Variants in DACH2 observed in about 807,000 individuals in gnomAD.
DACH2 encodes the protein dachshund family transcription factor 2.
In DACH2, 17 loss-of-function variants were observed where a neutral mutation model predicts 35.8. That is an observed-to-expected ratio of 0.48 (90% CI 0.33 to 0.71). DACH2 has a LOEUF of 0.71. Among genes scored for constraint, DACH2 ranks in the 30% least tolerant of loss-of-function variants. DACH2 has a pLI of 0.02. For synonymous variants in DACH2, 195 were observed against 177.3 expected (o/e 1.10, Z -0.79); for missense variants, 469 against 472.7 (o/e 0.99, Z 0.07).
At chrX:86,297,043 G>GTGTATA (rs1411917050) in intron 1 of DACH2, among the ~76,000 whole-genome samples, 1 of 89,950 alleles carries the variant, frequency 1.1e-5, no homozygotes, top group African/African-American at 4.4e-5. Flanking sequence ...ATATAATTGT[G>GTGTATA]TATATATATA....
At chrX:86,736,616 T>C (rs1476355645) in intron 6 of DACH2, among the ~76,000 whole-genome samples, 3 of 111,469 alleles carry the variant, frequency 2.7e-5, no homozygotes, top group Middle Eastern at 4.6e-3. Context: ...ATAATGAGCA[T>C]TCAGTTTTTA....
At chrX:86,345,392 G>T (rs1165059851) in intron 1 of DACH2, 1 of 289,823 alleles carries the variant, frequency 3.5e-6, no homozygotes, top group African/African-American at 2.8e-5. Flanking sequence ...ACATGAATTA[G>T]ATTGTGTTTT....
chrX:86,549,006 G>C (rs1032338430), intron 3 of DACH2, among the ~76,000 whole-genome samples: 2 of 111,836 alleles, frequency 1.8e-5, no homozygotes, highest in Admixed American at 9.5e-5. Flanking sequence ...TCCTATTAGA[G>C]AATGCCCCTT....
intron 7 of DACH2, among the ~76,000 whole-genome samples, chrX:86,789,124 G>A (rs182099239): frequency 2.7e-3 from 302 of 111,985 alleles, no homozygotes; most frequent in Non-Finnish European, 4.7e-3. Flanking sequence ...GTGTAACTAT[G>A]ATTACTGATT....
At chrX:86,185,418 T>C (rs1216242167) in intron 1 of DACH2, among the ~76,000 whole-genome samples, 4 of 111,527 alleles carry the variant, frequency 3.6e-5, no homozygotes, top group Non-Finnish European at 7.5e-5. Flanking sequence ...GGAATCTTAA[T>C]GAGATGGGAC....
At chrX:86,397,322 C>T (rs2036316661) in intron 2 of DACH2, among the ~76,000 whole-genome samples, 1 of 111,610 alleles carries the variant, frequency 9.0e-6, no homozygotes, top group Admixed American at 9.5e-5. Context: ...GATATACAAT[C>T]ACGTCATCTG....
In DACH2 at chrX:86,651,181, A is replaced by C; in HGVS notation, c.772+14A>C. On this transcript the variant is annotated intron_variant, in intron 4 of 11. Coordinates refer to ENST00000373125, the MANE Select transcript of DACH2 (RefSeq NM_053281.3). ...ATTCTAACACAGGTGAGTGTCTTCC[A>C]GAATCCCAGACCAATGACTCTTACT... 1 of 1,204,052 alleles carries C rather than the reference A, an allele frequency of 8.3e-7. No individual in the cohort carries two copies. Among genetic ancestry groups the C allele is most frequent in the East Asian group, 3.0e-5 (1 of 33,445 alleles).
At chrX:86,501,867 G>A (rs2038254052) in intron 2 of DACH2, among the ~76,000 whole-genome samples, 1 of 111,580 alleles carries the variant, frequency 9.0e-6, no homozygotes, top group Non-Finnish European at 1.9e-5. Flanking sequence ...TTTTAAACCA[G>A]TTAGAGCGGG....
At chrX:86,452,574 T>G (rs1453509291) in intron 2 of DACH2, among the ~76,000 whole-genome samples, 1 of 111,351 alleles carries the variant, frequency 9.0e-6, no homozygotes, top group Non-Finnish European at 1.9e-5. Flanking sequence ...TGTTCAGAAA[T>G]TTATTCATTT....
intron 3 of DACH2, among the ~76,000 whole-genome samples, chrX:86,638,867 A>C: frequency 8.9e-6 from 1 of 112,340 alleles, no homozygotes; most frequent in Non-Finnish European, 1.9e-5. Context: ...TCAATGAACT[A>C]AAAATAGAAC....
At chrX:86,565,585 CTT>C (rs950049020) in intron 3 of DACH2, among the ~76,000 whole-genome samples, 12 of 111,452 alleles carry the variant, frequency 1.1e-4, no homozygotes, top group African/African-American at 3.6e-4. Flanking sequence ...GGCTTATTCT[CTT>C]TTTATTTTCT....
At chrX:86,244,283 G>C (rs747308003) in intron 1 of DACH2, among the ~76,000 whole-genome samples, 1 of 111,926 alleles carries the variant, frequency 8.9e-6, no homozygotes, top group Non-Finnish European at 1.9e-5. Flanking sequence ...CATCCTCTGA[G>C]TCAATTGATT....
At chrX:86,315,291 T>C (rs774359619) in intron 1 of DACH2, among the ~76,000 whole-genome samples, 1 of 112,290 alleles carries the variant, frequency 8.9e-6, no homozygotes, top group South Asian at 3.7e-4. Context: ...TTAAGCCCGC[T>C]ATTGAAACCT....
At chrX:86,528,658 A>G (rs2038668495) in intron 3 of DACH2, among the ~76,000 whole-genome samples, 1 of 112,118 alleles carries the variant, frequency 8.9e-6, no homozygotes, top group African/African-American at 3.2e-5. Flanking sequence ...TTTGAGGTCA[A>G]ACAGTGTCTG....
At chrX:86,483,329 G>A (rs367569640) in intron 2 of DACH2, among the ~76,000 whole-genome samples, 2 of 110,415 alleles carry the variant, frequency 1.8e-5, no homozygotes, top group Non-Finnish European at 1.9e-5. Context: ...TGATCTATGC[G>A]GGAGATAGCT....
At chrX:86,664,986 A>G (rs1333084989) in intron 4 of DACH2, among the ~76,000 whole-genome samples, 12 of 111,844 alleles carry the variant, frequency 1.1e-4, no homozygotes, top group African/African-American at 3.9e-4. Flanking sequence ...ATTGTTTTTC[A>G]TGTTTCTGAG....
intron 1 of DACH2, among the ~76,000 whole-genome samples, chrX:86,292,989 T>C (rs1488881216): frequency 2.0e-5 from 2 of 100,644 alleles, no homozygotes; most frequent in Non-Finnish European, 4.0e-5. Context: ...CTTGTTGACT[T>C]TCTGTCTCGT....
intron 1 of DACH2, among the ~76,000 whole-genome samples, chrX:86,293,618 G>C (rs1453900522): frequency 5.5e-5 from 6 of 110,006 alleles, no homozygotes; most frequent in Admixed American, 1.9e-4. Context: ...GGGCAGGCCT[G>C]GTGGTGACAA....
intron 1 of DACH2, among the ~76,000 whole-genome samples, chrX:86,247,185 T>C (rs898237032): frequency 1.8e-5 from 2 of 111,372 alleles, no homozygotes; most frequent in Admixed American, 1.9e-4. Flanking sequence ...GCAAGTTCTG[T>C]GAAGTTCCTA....
Sources: allele counts gnomAD v4.1 joint callset (sites outside exome capture counted in the v4.1 genomes callset), GRCh38; gene constraint gnomAD v4.1.1; transcripts MANE v1.5; gene names NCBI Gene and HGNC (gene_info 2026-07-23, HGNC 2026-07-21).